TAFA1: variants seen among roughly 807,000 people sequenced by gnomAD.
TAFA1 encodes the protein chemokine-like protein TAFA-1.
Under a neutral mutation model 18.5 loss-of-function variants are expected in TAFA1, and 4 were observed. The observed-to-expected ratio is 0.22, with a 90% CI of 0.11 to 0.49. The LOEUF is 0.49. Ranked by LOEUF, TAFA1 falls within the 20% of genes least tolerant of loss-of-function variation. TAFA1 has a pLI of 0.98. For synonymous variants in TAFA1, 56 were observed against 55.2 expected, an observed-to-expected ratio of 1.01 and a Z score of -0.06; for missense variants, 147 against 169.0, an observed-to-expected ratio of 0.87 and a Z score of 0.72.
At chr3:68,488,084 T>C (rs2072380818) in intron 3 of TAFA1, among the ~76,000 whole-genome samples, 1 of 152,166 alleles carries the variant, frequency 6.6e-6, no homozygotes, top group Non-Finnish European at 1.5e-5. Context: ...GCCAGGGTTC[T>C]CTAGAAGGAC....
At chr3:68,288,136 G>C (rs2068047628) in intron 2 of TAFA1, among the ~76,000 whole-genome samples, 1 of 152,024 alleles carries the variant, frequency 6.6e-6, no homozygotes, top group African/African-American at 2.4e-5. Context: ...TCATGGCTGA[G>C]AGTTCACGGC....
intron 3 of TAFA1, among the ~76,000 whole-genome samples, chr3:68,477,461 A>G (rs1402547192): frequency 6.6e-6 from 1 of 151,826 alleles, no homozygotes; most frequent in Admixed American, 6.6e-5. Context: ...TGCAACCTCC[A>G]CCTCCCAGGT....
At chr3:68,410,928 A>G (rs1027014697) in intron 2 of TAFA1, among the ~76,000 whole-genome samples, 2 of 152,200 alleles carry the variant, frequency 1.3e-5, no homozygotes, top group African/African-American at 2.4e-5. Flanking sequence ...GTTTGAAAGG[A>G]TAGTTCACAA....
chr3:68,450,847 G>T (rs540988353), intron 3 of TAFA1, among the ~76,000 whole-genome samples: 2 of 152,222 alleles, frequency 1.3e-5, no homozygotes, highest in East Asian at 3.9e-4. Flanking sequence ...ATTATGATCT[G>T]ATGTTGTGCT....
At chr3:67,998,874 G>A in the TAFA1 span, among the ~76,000 whole-genome samples, 1 of 152,170 alleles carries the variant, frequency 6.6e-6, no homozygotes. Flanking sequence ...ATTTACTCCA[G>A]TTTGAATTTT....
intron 2 of TAFA1, among the ~76,000 whole-genome samples, chr3:68,170,188 A>G (rs2106957094): frequency 6.6e-6 from 1 of 152,320 alleles, no homozygotes; most frequent in East Asian, 1.9e-4. Flanking sequence ...CTTGAAAACC[A>G]ATAGACACAC....
In TAFA1 at chr3:68,119,116, C is replaced by A. The variant is rs547379807; in HGVS notation, c.118+112372C>A. On this transcript the variant is annotated intron_variant, in intron 2 of 4. Transcript: ENST00000478136. ...CTCATTATGATTTTGATTTGCATTT[C>A]CATAATGATTACTAACATTGAGCAT... is the stretch of plus-strand genomic sequence containing the variant. Among the ~76,000 whole-genome samples, 16 of 151,516 alleles carry A rather than the reference C, an allele frequency of 1.1e-4. No homozygotes were observed. In the South Asian group the frequency reaches 3.1e-3, roughly 30 times the overall value.
intron 2 of TAFA1, among the ~76,000 whole-genome samples, chr3:68,214,372 A>C (rs1408010542): frequency 1.3e-5 from 2 of 152,108 alleles, no homozygotes; most frequent in Non-Finnish European, 2.9e-5. Context: ...CATGGCATAG[A>C]TACAGCTTTT....
upstream of TAFA1, among the ~76,000 whole-genome samples, chr3:67,999,980 G>T (rs995463040): frequency 3.3e-5 from 5 of 151,956 alleles, no homozygotes; most frequent in African/African-American, 1.2e-4. Flanking sequence ...GTAGAGACAG[G>T]GTTTCACCAT....
At position 68,038,691 on chromosome 3, in the gene TAFA1, A is replaced by G. The variant is rs142333171; in HGVS notation, c.118+31947A>G. Among the ~76,000 whole-genome samples the G allele has an allele frequency of 3.8e-3, 585 of 152,310 alleles. 3 individuals carry two copies. The highest frequency in any genetic ancestry group is 0.013 in the African/African-American group (534 of 41,570). On this transcript the variant is annotated intron_variant, in intron 2 of 4. Coordinates refer to ENST00000478136, the MANE Select transcript of TAFA1 (RefSeq NM_213609.4). ...GTTAAAAAAAAAAAACTTTAAAAAA[A>G]CTATGCAGGGGTCAATACTCGTCAG...
intron 2 of TAFA1, among the ~76,000 whole-genome samples, chr3:68,083,317 C>G (rs2064928269): frequency 1.3e-5 from 2 of 152,222 alleles, no homozygotes; most frequent in Admixed American, 1.3e-4. Context: ...GTGATAATCA[C>G]TTTTGCCTTT....
chr3:68,079,699 C>A (rs1490680974), intron 2 of TAFA1, among the ~76,000 whole-genome samples: 1 of 152,034 alleles, frequency 6.6e-6, no homozygotes, highest in Non-Finnish European at 1.5e-5. Flanking sequence ...AACTTGTGTT[C>A]TTTTACATTT....
At chr3:68,322,934 C>G (rs965294658) in intron 2 of TAFA1, among the ~76,000 whole-genome samples, 1 of 152,054 alleles carries the variant, frequency 6.6e-6, no homozygotes, top group African/African-American at 2.4e-5. Context: ...CAGAGCAAGA[C>G]TCTGTCTCAA....
intron 3 of TAFA1, among the ~76,000 whole-genome samples, chr3:68,507,758 T>A (rs1378985538): frequency 6.6e-6 from 1 of 152,106 alleles, no homozygotes; most frequent in Admixed American, 6.6e-5. Context: ...TTTCTCCACA[T>A]GCAAAATGGC....
At chr3:68,116,658 A>G (rs574866295) in intron 2 of TAFA1, among the ~76,000 whole-genome samples, 20 of 152,286 alleles carry the variant, frequency 1.3e-4, no homozygotes, top group Non-Finnish European at 1.9e-4. Flanking sequence ...ATCGCATGAT[A>G]CTATTTTGTT....
intron 2 of TAFA1, among the ~76,000 whole-genome samples, chr3:68,115,269 T>C (rs2065311432): frequency 6.6e-6 from 1 of 152,186 alleles, no homozygotes; most frequent in African/African-American, 2.4e-5. Flanking sequence ...TATTCCATAA[T>C]GAAACTGTTA....
chr3:68,094,169 A>G (rs1336135119), intron 2 of TAFA1, among the ~76,000 whole-genome samples: 1 of 152,148 alleles, frequency 6.6e-6, no homozygotes, highest in African/African-American at 2.4e-5. Context: ...TATAAAAAAT[A>G]TACCAGTTTA....
chr3:68,207,331 C>T (rs570890574), intron 2 of TAFA1, among the ~76,000 whole-genome samples: 49 of 151,926 alleles, frequency 3.2e-4, no homozygotes, highest in African/African-American at 1.1e-3. Context: ...ATCAAAATAT[C>T]GTAGTTAATT....
chr3:68,323,410 G>A (rs2068723951), intron 2 of TAFA1, among the ~76,000 whole-genome samples: 1 of 152,184 alleles, frequency 6.6e-6, no homozygotes, highest in African/African-American at 2.4e-5. Flanking sequence ...AAAGCTGAAG[G>A]GGAATTAGAA....
Sources: gnomAD v4.1 joint callset for allele counts (sites outside exome capture counted in the v4.1 genomes callset) on GRCh38, gnomAD v4.1.1 for gene constraint, MANE v1.5 for transcripts, NCBI Gene and HGNC (gene_info 2026-07-23, HGNC 2026-07-21) for gene names.